TPST1: variants seen among roughly 807,000 people sequenced by gnomAD.
The protein encoded by TPST1 is protein-tyrosine sulfotransferase 1.
A neutral mutation model predicts 34.8 loss-of-function variants in TPST1; 20 were observed. That is an observed-to-expected ratio of 0.57 (90% CI 0.40 to 0.84). The LOEUF (loss-of-function observed/expected upper bound fraction) is 0.84. TPST1 is among the 40% of genes least tolerant of loss of function. TPST1 has a pLI of 0.00. For missense variants in TPST1, 353 were observed against 455.5 expected, an observed-to-expected ratio of 0.78 and a Z score of 2.05; for synonymous variants, 152 against 159.4, an observed-to-expected ratio of 0.95 and a Z score of 0.35.
intron 2 of TPST1, among the ~76,000 whole-genome samples, chr7:66,247,199 G>A (rs1391499133): frequency 6.6e-6 from 1 of 152,170 alleles, no homozygotes; most frequent in Non-Finnish European, 1.5e-5. Flanking sequence ...AGGCTGGGGT[G>A]GGCAGATCAC....
intron 1 of TPST1, among the ~76,000 whole-genome samples, chr7:66,232,193 T>TA (rs369843074): frequency 1.4e-4 from 19 of 139,130 alleles, no homozygotes; most frequent in South Asian, 2.2e-4. Context: ...TGTTTCTTAT[T>TA]AAAAAAAATT....
intron 2 of TPST1, among the ~76,000 whole-genome samples, chr7:66,269,833 G>A (rs1347625827): frequency 6.6e-6 from 1 of 152,124 alleles, no homozygotes; most frequent in Non-Finnish European, 1.5e-5. Context: ...CATTGGTAAG[G>A]TGATATTTGA....
At chr7:66,318,339 T>C (rs1791676587) in intron 3 of TPST1, among the ~76,000 whole-genome samples, 1 of 152,244 alleles carries the variant, frequency 6.6e-6, no homozygotes, top group African/African-American at 2.4e-5. Flanking sequence ...TCATCATTAC[T>C]GTTACTTTAT....
chr7:66,329,047 G>C (rs1390584852), intron 3 of TPST1, among the ~76,000 whole-genome samples: 1 of 149,658 alleles, frequency 6.7e-6, no homozygotes, highest in Non-Finnish European at 1.5e-5. Context: ...AAGTAGCTGG[G>C]ATTACAGGTG....
Position 66,241,290 on chromosome 7 carries a change from T to G in TPST1, c.845+20T>G. 1.9e-6 allele frequency: 3 copies of G among 1,576,914 alleles called. No homozygotes were observed. Among genetic ancestry groups the G allele is most frequent in the Non-Finnish European group, 1.7e-6 (2 of 1,164,196 alleles). The stretch of plus-strand genomic sequence containing the variant: ...GTCAAAGTGAGTAGAAGATACGTTT[T>G]TTATTTTGACTCTATATTTAGCTAA... On this transcript the variant is annotated intron_variant, in intron 2 of 5. Coordinates refer to ENST00000304842, the MANE Select transcript of TPST1 (RefSeq NM_003596.4).
rs776257782 is a variant in TPST1, at chr7:66,286,604, C to T, written c.939C>T (p.Asp313=). The part of the protein sequence containing the change: ...VGKIPPDVLQ[D]MAVIAPMLAK... ...AGATACCGCCAGATGTTTTACAAGA[C>T]ATGGCAGTGATTGCTCCTATGCTTG... Residue 313 remains aspartate (D), a synonymous_variant, in exon 3 of 6, where the codon GAC becomes GAT. Transcript: ENST00000304842. 6 of 1,610,362 alleles carry T rather than the reference C, an allele frequency of 3.7e-6. No individual in the cohort carries two copies. The highest frequency in any genetic ancestry group is 4.2e-6 in the Non-Finnish European group (5 of 1,177,790).
Position 66,248,503 on chromosome 7 carries a change from G to T in TPST1, c.845+7233G>T, listed in dbSNP as rs868503347. Among the ~76,000 whole-genome samples the T allele has an allele frequency of 3.5e-3, 437 of 124,246 alleles. 6 individuals carry two copies. The highest frequency in any genetic ancestry group is 0.011 in the African/African-American group (378 of 33,034). The allele number at this position is 124,246 out of a possible 152,430, so 81.5% of individuals were successfully genotyped here. On this transcript the variant is annotated intron_variant, in intron 2 of 5. Coordinates refer to ENST00000304842, the MANE Select transcript of TPST1 (RefSeq NM_003596.4). ...ATATTGGTTTATAAAAACATTTAGTGTTTTTTTTTTTTTTTTTTGAGACAG... is the reference window on the plus strand; with the variant it reads ...ATATTGGTTTATAAAAACATTTAGTTTTTTTTTTTTTTTTTTTTGAGACAG...
At chr7:66,301,502 C>T (rs998632144) in intron 3 of TPST1, among the ~76,000 whole-genome samples, 1 of 152,240 alleles carries the variant, frequency 6.6e-6, no homozygotes, top group Non-Finnish European at 1.5e-5. Context: ...TGGCTTTCAA[C>T]ATACCTTCCT....
intron 2 of TPST1, among the ~76,000 whole-genome samples, chr7:66,242,534 G>A (rs965191969): frequency 6.6e-6 from 1 of 152,088 alleles, no homozygotes; most frequent in Admixed American, 6.5e-5. Context: ...CATTGTAGTG[G>A]CTCTAGGTTG....
At chr7:66,299,486 AT>A (rs1193464749) in intron 3 of TPST1, among the ~76,000 whole-genome samples, 3 of 151,434 alleles carry the variant, frequency 2.0e-5, no homozygotes, top group Non-Finnish European at 2.9e-5. Context: ...TATGAATGTA[AT>A]TTTTTTTCTT....
chr7:66,240,800 T>C lies in TPST1; in HGVS notation c.375T>C (p.Asp125=). The part of the protein sequence containing the change: ...SRSSKEKIRL[D]EAGVTDEVLD... ...CAAGTAAAGAGAAGATCCGCCTGGA[T>C]GAGGCTGGTGTTACTGATGAAGTGC... The change falls in exon 2 of 6, where the codon GAT becomes GAC. Residue 125 remains aspartate, a synonymous_variant. Coordinates refer to ENST00000304842, the MANE Select transcript of TPST1 (RefSeq NM_003596.4). 1 of 1,613,912 alleles carries C rather than the reference T, an allele frequency of 6.2e-7. No individual in the cohort carries two copies. Among genetic ancestry groups the C allele is most frequent in the South Asian group, 1.1e-5 (1 of 91,078 alleles).
rs773861172 is a variant in TPST1, at chr7:66,240,604, A to T, written c.179A>T (p.Asn60Ile). The stretch of plus-strand genomic sequence containing the variant: ...AGAACTGGCCTGGACCTCAAAGCCA[A>T]CAAAACCTTTGCCTATCACAAAGAT... ...TVRTGLDLKANKTFAYHKDMP... is the reference protein window; with the variant it reads ...TVRTGLDLKAIKTFAYHKDMP... Residue 60 changes from asparagine (N) to isoleucine (I), a missense_variant, in exon 2 of 6, where the codon AAC becomes ATC. Asn to Ile is a moderately radical substitution (Grantham distance 149). Coordinates refer to ENST00000304842, the MANE Select transcript of TPST1 (RefSeq NM_003596.4). 1.9e-6 allele frequency: 3 copies of T among 1,614,208 alleles called. No individual in the cohort carries two copies. The highest frequency in any genetic ancestry group is 2.5e-6 in the Non-Finnish European group (3 of 1,180,050).
chr7:66,252,820 A>C (rs1374370509), intron 2 of TPST1, among the ~76,000 whole-genome samples: 1 of 152,130 alleles, frequency 6.6e-6, no homozygotes, highest in Admixed American at 6.5e-5. Context: ...ATAGTTTCCC[A>C]TGTTTTTTCC....
intron 3 of TPST1, among the ~76,000 whole-genome samples, chr7:66,305,147 A>G (rs1394283098): frequency 6.6e-6 from 1 of 152,180 alleles, no homozygotes; most frequent in Non-Finnish European, 1.5e-5. Context: ...ATTAGAGAGT[A>G]TTATTAGACA....
intron 2 of TPST1, among the ~76,000 whole-genome samples, chr7:66,275,204 TA>T (rs556833687): frequency 6.8e-6 from 1 of 147,934 alleles, no homozygotes; most frequent in South Asian, 2.1e-4. Context: ...AAAGAAAAAA[TA>T]AAAAAAAATA....
intron 3 of TPST1, among the ~76,000 whole-genome samples, chr7:66,345,082 A>G (rs1792317209): frequency 6.6e-6 from 1 of 152,120 alleles, no homozygotes; most frequent in South Asian, 2.1e-4. Context: ...CACGATGGGA[A>G]TAACAGAGGA....
intron 2 of TPST1, among the ~76,000 whole-genome samples, chr7:66,258,751 A>T (rs1386385740): frequency 2.6e-5 from 4 of 152,210 alleles, no homozygotes; most frequent in Non-Finnish European, 4.4e-5. Flanking sequence ...AATGAGAATG[A>T]TTCTTACGCT....
chr7:66,345,664 T>TATA (rs2116352822), intron 3 of TPST1, among the ~76,000 whole-genome samples: 1 of 152,182 alleles, frequency 6.6e-6, no homozygotes, highest in South Asian at 2.1e-4. Flanking sequence ...ATGTCTTTAT[T>TATA]ATGTTTTTAA....
At chr7:66,277,935 A>G (rs868108786) in intron 2 of TPST1, among the ~76,000 whole-genome samples, 4 of 151,970 alleles carry the variant, frequency 2.6e-5, no homozygotes, top group African/African-American at 9.7e-5. Context: ...CCCTGTCTCT[A>G]CTAAAAATAC....
Sources: allele counts gnomAD v4.1 joint callset (sites outside exome capture counted in the v4.1 genomes callset), GRCh38; gene constraint gnomAD v4.1.1; transcripts MANE v1.5; gene names NCBI Gene and HGNC (gene_info 2026-07-23, HGNC 2026-07-21).